The following PCDH11X variants were observed in gnomAD, a reference collection of about 807,000 sequenced individuals.
PCDH11X encodes the protein protocadherin 11 X-linked.
A neutral mutation model predicts 53.3 loss-of-function variants in PCDH11X; 18 were observed. That is an observed-to-expected ratio of 0.34 (90% CI 0.23 to 0.50). PCDH11X has a LOEUF of 0.50. PCDH11X is among the 20% of genes least tolerant of loss of function. PCDH11X has a pLI of 0.98. For missense variants in PCDH11X, 570 were observed against 1,032.4 expected (o/e 0.55, Z 6.14); for synonymous variants, 279 against 393.3 (o/e 0.71, Z 3.44).
chrX:91,844,573 C>T (rs1303894388), intron 5 of PCDH11X, among the ~76,000 whole-genome samples: 1 of 107,768 alleles, frequency 9.3e-6, no homozygotes, highest in African/African-American at 3.4e-5. Flanking sequence ...TATCCCCTTT[C>T]TAAGACAATC....
rs757627555 is a variant in PCDH11X, at chrX:91,839,461, C to CAA, written c.540+3433_540+3434dup. Among the ~76,000 whole-genome samples, 141 of 70,365 alleles carry CAA rather than the reference C, an allele frequency of 2.0e-3. 1 individual carries two copies. The highest frequency in any genetic ancestry group is 6.6e-3 in the African/African-American group (134 of 20,325). 61.1% of individuals were successfully genotyped at this position (70,365 alleles called of 115,157 possible). On this transcript the variant is annotated intron_variant, in intron 5 of 10. Transcript: ENST00000682573. The stretch of plus-strand genomic sequence containing the variant: ...AAACCCCGTCTCTACTAAAAAAATA[C>CAA]AAAAAAAAAAAAAAAAATTAGCCAA...
intron 7 of PCDH11X, among the ~76,000 whole-genome samples, chrX:92,218,103 C>G (rs1003180279): frequency 1.7e-4 from 19 of 111,048 alleles, no homozygotes; most frequent in African/African-American, 5.6e-4. Context: ...AGGAAAGATC[C>G]AAAATTGACA....
chrX:92,506,845 G>A (rs1313561011), intron 10 of PCDH11X, among the ~76,000 whole-genome samples: 2 of 109,891 alleles, frequency 1.8e-5, no homozygotes, highest in African/African-American at 6.6e-5. Flanking sequence ...CTGGTCCTGG[G>A]ATTTTTCTGT....
At chrX:92,196,734 G>T (rs2066298378) in intron 6 of PCDH11X, among the ~76,000 whole-genome samples, 1 of 111,361 alleles carries the variant, frequency 9.0e-6, no homozygotes, top group South Asian at 3.8e-4. Flanking sequence ...ATAGAAGATT[G>T]TGAGGCCAGC....
At chrX:92,465,157 A>G (rs1165753955) in intron 9 of PCDH11X, among the ~76,000 whole-genome samples, 6 of 111,473 alleles carry the variant, frequency 5.4e-5, no homozygotes, top group Non-Finnish European at 1.1e-4. Flanking sequence ...TTAAAGAAAC[A>G]AAAAAAGCCC....
At chrX:91,863,763 A>G (rs1938815254) in intron 5 of PCDH11X, among the ~76,000 whole-genome samples, 1 of 109,953 alleles carries the variant, frequency 9.1e-6, no homozygotes, top group Non-Finnish European at 1.9e-5. Flanking sequence ...TTGTGTTTTC[A>G]TTTTATGTTT....
chrX:91,953,180 T>A (rs1198250793), intron 6 of PCDH11X, among the ~76,000 whole-genome samples: 1 of 110,000 alleles, frequency 9.1e-6, no homozygotes. Context: ...TATTTTAAAG[T>A]AAAGAGTGTA....
At chrX:92,132,433 C>G (rs1328247673) in intron 6 of PCDH11X, among the ~76,000 whole-genome samples, 2 of 96,867 alleles carry the variant, frequency 2.1e-5, no homozygotes, top group African/African-American at 7.6e-5. Context: ...CATGGTGAAA[C>G]CTCGTCTCTA....
intron 10 of PCDH11X, among the ~76,000 whole-genome samples, chrX:92,599,978 T>C (rs1174656654): frequency 9.1e-6 from 1 of 109,964 alleles, no homozygotes; most frequent in African/African-American, 3.4e-5. Context: ...ATGAGAGAGA[T>C]GATTTAGGGT....
At chrX:91,794,464 G>A (rs188630554) in intron 1 of PCDH11X, among the ~76,000 whole-genome samples, 1 of 111,842 alleles carries the variant, frequency 8.9e-6, no homozygotes, top group East Asian at 2.8e-4. Context: ...GGAAGGAAAA[G>A]AAAGGAAATG....
At chrX:92,405,892 A>G (rs995466585) in intron 9 of PCDH11X, among the ~76,000 whole-genome samples, 1 of 110,537 alleles carries the variant, frequency 9.0e-6, no homozygotes, top group African/African-American at 3.3e-5. Context: ...CAGGAGATCG[A>G]GACCATCCTG....
At chrX:92,554,041 A>C (rs1279320427) in intron 10 of PCDH11X, among the ~76,000 whole-genome samples, 1 of 108,422 alleles carries the variant, frequency 9.2e-6, no homozygotes, top group Non-Finnish European at 1.9e-5. Context: ...ACCAAGAAAA[A>C]ATTTTTTAAT....
intron 6 of PCDH11X, among the ~76,000 whole-genome samples, chrX:92,175,321 A>C (rs746435256): frequency 8.9e-6 from 1 of 111,757 alleles, no homozygotes; most frequent in East Asian, 2.8e-4. Context: ...ATTCAGGGAA[A>C]AGAAAGGTAG....
intron 10 of PCDH11X, among the ~76,000 whole-genome samples, chrX:92,613,520 T>G (rs1230641715): frequency 1.0e-5 from 1 of 96,198 alleles, no homozygotes; most frequent in Non-Finnish European, 2.1e-5. Context: ...CTAGTTGCCT[T>G]TAAGTTTTTT....
intron 1 of PCDH11X, among the ~76,000 whole-genome samples, chrX:91,789,200 C>CAAAAAAAAAAAAAAAAAAAAAAAAAA (rs764959497): frequency 4.2e-5 from 2 of 47,227 alleles, no homozygotes; most frequent in African/African-American, 1.4e-4. Context: ...GACTCCGTCT[C>CAAAAAAAAAAAAAAAAAAAAAAAAAA]AAAAAAAAAA....
chrX:92,181,891 G>C (rs1022968336), intron 6 of PCDH11X, among the ~76,000 whole-genome samples: 2 of 112,640 alleles, frequency 1.8e-5, no homozygotes, highest in Admixed American at 9.4e-5. Flanking sequence ...CTTCTGCTAG[G>C]GCAGTGCAGA....
Position 91,836,019 on chromosome X carries a change from G to C in PCDH11X, c.515G>C (p.Gly172Ala). 2.5e-6 allele frequency: 3 copies of C among 1,211,011 alleles called. No homozygotes were observed. Among genetic ancestry groups the C allele is most frequent in the Non-Finnish European group, 3.4e-6 (3 of 895,317 alleles). The change falls in exon 5 of 11, where the codon GGA becomes GCA. Residue 172 changes from glycine to alanine, a missense_variant. Gly to Ala is a moderately conservative substitution (Grantham distance 60). Around this residue, in one of 6 missense-constraint regions of PCDH11X, gnomAD observed 84 missense variants for 142.0 expected, o/e 0.59. Coordinates refer to ENST00000682573, the MANE Select transcript of PCDH11X (RefSeq NM_032968.5). The stretch of plus-strand genomic sequence containing the variant: ...GTTGATCCTGACGTAGGAATAAACG[G>C]AGTTCAAAACTACGAACTAATTAAG... Reference protein sequence around the residue: ...AAVDPDVGINGVQNYELIKSQ... With the variant: ...AAVDPDVGINAVQNYELIKSQ...
chrX:91,854,719 T>C (rs1400754784), intron 5 of PCDH11X, among the ~76,000 whole-genome samples: 1 of 112,400 alleles, frequency 8.9e-6, no homozygotes, highest in Admixed American at 9.4e-5. Flanking sequence ...TTATTGTAGT[T>C]TTGATTTGCA....
chrX:92,358,662 A>T (rs1041805692), intron 8 of PCDH11X, among the ~76,000 whole-genome samples: 1 of 103,503 alleles, frequency 9.7e-6, no homozygotes, highest in African/African-American at 3.5e-5. Context: ...CCAATGACAC[A>T]ACCTGGGTAG....
Sources: allele counts gnomAD v4.1 joint callset (sites outside exome capture counted in the v4.1 genomes callset), GRCh38; gene constraint gnomAD v4.1.1; regional missense constraint gnomAD v4.1.1; transcripts MANE v1.5; gene names NCBI Gene and HGNC (gene_info 2026-07-23, HGNC 2026-07-21).